Variants in ROBO2 observed in about 807,000 individuals in gnomAD.
The protein encoded by ROBO2 is roundabout guidance receptor 2.
Under a neutral mutation model 160.8 loss-of-function variants are expected in ROBO2, and 53 were observed. That is an observed-to-expected ratio of 0.33 (90% confidence interval 0.26 to 0.41). The LOEUF (loss-of-function observed/expected upper bound fraction) is 0.41, where lower values mean the gene tolerates loss of function less well. Ranked by LOEUF, ROBO2 falls within the 10% of genes least tolerant of loss-of-function variation. The pLI is 1.00. For synonymous variants in ROBO2, 664 were observed against 611.7 expected (o/e 1.09, Z -1.26); for missense variants, 1,577 against 1,722.4 (o/e 0.92, Z 1.49).
intron 2 of ROBO2, among the ~76,000 whole-genome samples, chr3:76,464,797 T>C (rs893771030): frequency 6.6e-6 from 1 of 152,162 alleles, no homozygotes; most frequent in South Asian, 2.1e-4. Context: ...CACATTCCCA[T>C]ATACACAAAT....
At chr3:76,011,616 A>C (rs1225968925) in intron 2 of ROBO2, among the ~76,000 whole-genome samples, 1 of 152,196 alleles carries the variant, frequency 6.6e-6, no homozygotes, top group Non-Finnish European at 1.5e-5. Flanking sequence ...GACACAGAAA[A>C]GATAAAAGGT....
intron 2 of ROBO2, among the ~76,000 whole-genome samples, chr3:76,487,643 C>T (rs10212457): frequency 0.26 from 39,789 of 151,952 alleles, 6,426 homozygotes; most frequent in African/African-American, 0.44. Flanking sequence ...TACTTAGGTT[C>T]TCTGTTTAGA....
chr3:76,064,119 C>T (rs56033332), intron 2 of ROBO2, among the ~76,000 whole-genome samples: 3,132 of 152,224 alleles, frequency 0.021, 45 homozygotes, highest in East Asian at 0.081. Context: ...CCAAGTTTCA[C>T]GTGAGAATTG....
At chr3:77,231,237 C>T (rs866443279) in intron 2 of ROBO2, among the ~76,000 whole-genome samples, 2 of 151,584 alleles carry the variant, frequency 1.3e-5, no homozygotes, top group Admixed American at 6.6e-5. Context: ...GTGGTGGGCA[C>T]CTGTAATTCC....
At chr3:76,862,444 TAAG>T (rs1162453481) in intron 2 of ROBO2, among the ~76,000 whole-genome samples, 1 of 152,054 alleles carries the variant, frequency 6.6e-6, no homozygotes, top group African/African-American at 2.4e-5. Flanking sequence ...CATAAGGAAA[TAAG>T]AATCCAAATA....
chr3:76,413,499 T>G (rs2075600247), intron 2 of ROBO2, among the ~76,000 whole-genome samples: 1 of 152,224 alleles, frequency 6.6e-6, no homozygotes, highest in East Asian at 1.9e-4. Flanking sequence ...AATGCTTTGC[T>G]GCTTAGAAAG....
chr3:76,298,040 A>G (rs1468778271), intron 2 of ROBO2, among the ~76,000 whole-genome samples: 1 of 152,188 alleles, frequency 6.6e-6, no homozygotes, highest in African/African-American at 2.4e-5. Flanking sequence ...TCCCTAGGAA[A>G]ATATTCATTA....
At chr3:76,813,462 A>T (rs566269143) in intron 2 of ROBO2, among the ~76,000 whole-genome samples, 1 of 152,294 alleles carries the variant, frequency 6.6e-6, no homozygotes, top group South Asian at 2.1e-4. Context: ...TTGTAGAAAC[A>T]AGAATAATTT....
intron 2 of ROBO2, among the ~76,000 whole-genome samples, chr3:76,053,370 A>G (rs537037579): frequency 1.3e-5 from 2 of 152,138 alleles, no homozygotes; most frequent in East Asian, 1.9e-4. Context: ...ACTATTTTCT[A>G]GTTGTAAAAA....
intron 2 of ROBO2, among the ~76,000 whole-genome samples, chr3:76,871,049 G>T (rs998935396): frequency 6.6e-6 from 1 of 152,148 alleles, no homozygotes; most frequent in Non-Finnish European, 1.5e-5. Flanking sequence ...TTACTCTGTA[G>T]TTCTTGGACT....
chr3:76,163,246 C>T (rs965250098), intron 2 of ROBO2, among the ~76,000 whole-genome samples: 1 of 151,664 alleles, frequency 6.6e-6, no homozygotes, highest in Non-Finnish European at 1.5e-5. Context: ...ATGATGAATC[C>T]TCTAGTTTTT....
chr3:77,646,235 T>C (rs2095411911), exon 26 of ROBO2: 1 of 444,264 alleles, frequency 2.3e-6, no homozygotes. Context: ...GTTCTTCTCT[T>C]AAGTACACCA....
chr3:77,190,181 A>G (rs1399774815), intron 2 of ROBO2, among the ~76,000 whole-genome samples: 1 of 151,918 alleles, frequency 6.6e-6, no homozygotes, highest in Non-Finnish European at 1.5e-5. Context: ...TTCTGCAAAG[A>G]TCCTATCTAT....
chr3:77,295,752 C>A (rs2062010148), intron 2 of ROBO2, among the ~76,000 whole-genome samples: 1 of 150,420 alleles, frequency 6.6e-6, no homozygotes, highest in South Asian at 2.1e-4. Context: ...TAAGCTGAGG[C>A]TAGATCACCC....
chr3:76,564,655 A>C (rs958388072), intron 2 of ROBO2, among the ~76,000 whole-genome samples: 1 of 152,206 alleles, frequency 6.6e-6, no homozygotes, highest in African/African-American at 2.4e-5. Context: ...AGTGTAACAG[A>C]ATGGAAGCTT....
At chr3:77,252,831 A>AAAAAATATATATATATATAT in intron 2 of ROBO2, among the ~76,000 whole-genome samples, 1 of 12,520 alleles carries the variant, frequency 8.0e-5, no homozygotes, top group African/African-American at 1.6e-4. Context: ...AAAAAAAAAA[A>AAAAAATATATATATATATAT]ATATATATAT....
chr3:75,970,635 G>T (rs781467537), intron 2 of ROBO2, among the ~76,000 whole-genome samples: 1 of 151,524 alleles, frequency 6.6e-6, no homozygotes, highest in Non-Finnish European at 1.5e-5. Context: ...TACATTACAA[G>T]ACTATAATGT....
chr3:76,901,122 AG>A (rs560746933), intron 2 of ROBO2, among the ~76,000 whole-genome samples: 1 of 152,238 alleles, frequency 6.6e-6, no homozygotes, highest in South Asian at 2.1e-4. Flanking sequence ...GCCAAGTATG[AG>A]GGTTAGTATG....
intron 2 of ROBO2, among the ~76,000 whole-genome samples, chr3:76,133,609 T>C (rs2071315555): frequency 6.6e-6 from 1 of 151,944 alleles, no homozygotes; most frequent in African/African-American, 2.4e-5. Context: ...CAGCCTTCAG[T>C]GTGTGGCCGA....
Sources: allele counts gnomAD v4.1 joint callset (sites outside exome capture counted in the v4.1 genomes callset), GRCh38; gene constraint gnomAD v4.1.1; transcripts MANE v1.5; gene names NCBI Gene and HGNC (gene_info 2026-07-23, HGNC 2026-07-21).